CTNNA2: variants seen among roughly 807,000 people sequenced by gnomAD.
The protein encoded by CTNNA2 is catenin alpha 2.
A neutral mutation model predicts 101.0 loss-of-function variants in CTNNA2; 42 were observed. That is an observed-to-expected ratio of 0.42 (90% CI 0.32 to 0.54). CTNNA2 has a LOEUF of 0.54. Among genes scored for constraint, CTNNA2 ranks in the 20% least tolerant of loss-of-function variants. The pLI, the probability that CTNNA2 is intolerant of heterozygous loss-of-function variation, is 0.14. For synonymous variants in CTNNA2, 450 were observed against 456.4 expected (o/e 0.99, Z 0.18); for missense variants, 871 against 1,223.1 (o/e 0.71, Z 4.29).
At chr2:80,293,314 G>A (rs1675428629) in intron 7 of CTNNA2, among the ~76,000 whole-genome samples, 1 of 152,184 alleles carries the variant, frequency 6.6e-6, no homozygotes, top group Non-Finnish European at 1.5e-5. Flanking sequence ...ACTGAAGGCT[G>A]CCTACAATAT....
At chr2:80,067,027 C>G (rs1462754423) in intron 7 of CTNNA2, among the ~76,000 whole-genome samples, 1 of 151,948 alleles carries the variant, frequency 6.6e-6, no homozygotes, top group Non-Finnish European at 1.5e-5. Context: ...TATGTGAAAT[C>G]TAAAAAAATA....
At chr2:80,059,806 T>C (rs1033624541) in intron 7 of CTNNA2, among the ~76,000 whole-genome samples, 1 of 152,170 alleles carries the variant, frequency 6.6e-6, no homozygotes, top group African/African-American at 2.4e-5. Flanking sequence ...ACTTAAACAA[T>C]GGGGATTTCT....
At chr2:79,499,581 G>T (rs1671297736) in intron 4 of CTNNA2, among the ~76,000 whole-genome samples, 1 of 152,150 alleles carries the variant, frequency 6.6e-6, no homozygotes, top group African/African-American at 2.4e-5. Context: ...CTCCCCTCTA[G>T]ATTTCTTACG....
chr2:79,319,135 T>C (rs187102133), intron 3 of CTNNA2, among the ~76,000 whole-genome samples: 158 of 152,300 alleles, frequency 1.0e-3, no homozygotes, highest in African/African-American at 3.6e-3. Context: ...CTCACCTCTC[T>C]GGATCAAGAC....
chr2:79,992,392 A>G (rs1692244545), intron 7 of CTNNA2, among the ~76,000 whole-genome samples: 1 of 152,248 alleles, frequency 6.6e-6, no homozygotes, highest in South Asian at 2.1e-4. Flanking sequence ...AAAACCCCAA[A>G]GAACCAAAAT....
At chr2:79,770,824 A>G (rs367595942) in intron 3 of CTNNA2, among the ~76,000 whole-genome samples, 21 of 152,356 alleles carry the variant, frequency 1.4e-4, no homozygotes, top group African/African-American at 5.0e-4. Flanking sequence ...ACAGCCAGTT[A>G]TTAGCAGCTT....
intron 18 of CTNNA2, among the ~76,000 whole-genome samples, chr2:80,644,734 TCAGTTGGCTGG>T (rs1387284188): frequency 6.6e-6 from 1 of 152,172 alleles, no homozygotes; most frequent in Non-Finnish European, 1.5e-5. Context: ...TTGTTCCAGT[TCAGTTGGCTGG>T]ATCTCTCACC....
At chr2:79,475,219 A>G (rs1367483056) in intron 4 of CTNNA2, among the ~76,000 whole-genome samples, 4 of 147,384 alleles carry the variant, frequency 2.7e-5, no homozygotes, top group African/African-American at 9.9e-5. Flanking sequence ...GGCATACAGT[A>G]TGGAAAATGC....
intron 7 of CTNNA2, among the ~76,000 whole-genome samples, chr2:80,268,867 G>A (rs961534391): frequency 1.3e-5 from 2 of 152,166 alleles, no homozygotes; most frequent in African/African-American, 4.8e-5. Context: ...AACACACCCA[G>A]AATCAGTCAG....
intron 2 of CTNNA2, among the ~76,000 whole-genome samples, chr2:79,719,024 C>G (rs1048602236): frequency 1.9e-4 from 29 of 152,222 alleles, no homozygotes; most frequent in Middle Eastern, 3.4e-3. Flanking sequence ...AGTTTTTCAA[C>G]TCATCCTTCC....
At chr2:80,063,373 C>G (rs563947392) in intron 7 of CTNNA2, among the ~76,000 whole-genome samples, 1 of 152,238 alleles carries the variant, frequency 6.6e-6, no homozygotes. Context: ...GACTGTTTTC[C>G]TATCTTCACT....
At chr2:80,098,172 A>G (rs1700285166) in intron 7 of CTNNA2, among the ~76,000 whole-genome samples, 1 of 152,148 alleles carries the variant, frequency 6.6e-6, no homozygotes, top group Admixed American at 6.5e-5. Flanking sequence ...GGTGACGTAC[A>G]AATGGGTTTT....
At chr2:80,638,537 G>A (rs764253995) in intron 18 of CTNNA2, among the ~76,000 whole-genome samples, 16 of 152,142 alleles carry the variant, frequency 1.1e-4, no homozygotes, top group African/African-American at 1.7e-4. Flanking sequence ...GCCCTGTTCC[G>A]AACTTTCCAA....
At chr2:80,003,974 TC>T (rs1335360605) in intron 7 of CTNNA2, among the ~76,000 whole-genome samples, 1 of 152,100 alleles carries the variant, frequency 6.6e-6, no homozygotes, top group Non-Finnish European at 1.5e-5. Flanking sequence ...ATCCAACAGC[TC>T]CACTGGATTC....
intron 4 of CTNNA2, among the ~76,000 whole-genome samples, chr2:79,422,321 A>G (rs1196021858): frequency 6.6e-6 from 1 of 152,038 alleles, no homozygotes; most frequent in Non-Finnish European, 1.5e-5. Flanking sequence ...TTTGCCTCCC[A>G]AAGACATATT....
intron 3 of CTNNA2, among the ~76,000 whole-genome samples, chr2:79,785,414 C>T (rs1674762515): frequency 6.6e-6 from 1 of 152,104 alleles, no homozygotes; most frequent in African/African-American, 2.4e-5. Context: ...TAACTCTGTC[C>T]CTAAATGCAT....
chr2:79,280,437 C>T (rs1315871403), intron 2 of CTNNA2, among the ~76,000 whole-genome samples: 1 of 152,034 alleles, frequency 6.6e-6, no homozygotes, highest in Non-Finnish European at 1.5e-5. Context: ...AAATTAAATA[C>T]ACAAAACAGC....
intron 7 of CTNNA2, among the ~76,000 whole-genome samples, chr2:79,972,333 A>T: frequency 6.6e-6 from 1 of 152,230 alleles, no homozygotes; most frequent in East Asian, 1.9e-4. Context: ...AGAAATTCAA[A>T]CAGAAACCAA....
chr2:80,552,293 G>A (rs562896726), intron 11 of CTNNA2, among the ~76,000 whole-genome samples: 20 of 152,088 alleles, frequency 1.3e-4, no homozygotes, highest in Non-Finnish European at 2.1e-4. Flanking sequence ...CTTGCTTGAC[G>A]CAGAGTTGCA....
Sources: allele counts gnomAD v4.1 joint callset (sites outside exome capture counted in the v4.1 genomes callset), GRCh38; gene constraint gnomAD v4.1.1; transcripts MANE v1.5; gene names NCBI Gene and HGNC (gene_info 2026-07-23, HGNC 2026-07-21).